VRK2: variants seen among roughly 807,000 people sequenced by gnomAD.
VRK2 encodes the protein serine/threonine-protein kinase VRK2.
In VRK2, 60 loss-of-function variants were observed where a neutral mutation model predicts 57.6. The observed-to-expected ratio is 1.04, with a 90% CI of 0.85 to 1.29. The LOEUF (loss-of-function observed/expected upper bound fraction) is 1.29. VRK2 is among the 50% of genes most tolerant of loss of function. The pLI is 0.00. For synonymous variants in VRK2, 231 were observed against 199.2 expected, an observed-to-expected ratio of 1.16 and a Z score of -1.35; for missense variants, 705 against 588.1, an observed-to-expected ratio of 1.20 and a Z score of -2.06.
chr2:58,148,073 G>T (rs898321339), intron 12 of VRK2, among the ~76,000 whole-genome samples: 2 of 151,692 alleles, frequency 1.3e-5, no homozygotes, highest in African/African-American at 4.8e-5. Flanking sequence ...TTGCTGGGTC[G>T]TAGGGCAGGT....
chr2:58,013,134 A>C (rs1455221884), intron 1 of VRK2, among the ~76,000 whole-genome samples: 1 of 152,234 alleles, frequency 6.6e-6, no homozygotes, highest in Non-Finnish European at 1.5e-5. Context: ...GCAAAAAACA[A>C]AAATCTATTG....
At chr2:57,940,809 T>C (rs576016637) in intron 1 of VRK2, among the ~76,000 whole-genome samples, 1 of 152,108 alleles carries the variant, frequency 6.6e-6, no homozygotes, top group Non-Finnish European at 1.5e-5. Context: ...AACTAAACTA[T>C]TACTTCACGT....
At chr2:58,034,550 G>T (rs1443509741) in intron 3 of VRK2, among the ~76,000 whole-genome samples, 1 of 151,948 alleles carries the variant, frequency 6.6e-6, no homozygotes, top group African/African-American at 2.4e-5. Flanking sequence ...TTTTAAGAAG[G>T]CAGGGATGGT....
chr2:58,052,952 G>T (rs1004691925), intron 2 of VRK2, among the ~76,000 whole-genome samples: 1 of 152,210 alleles, frequency 6.6e-6, no homozygotes, highest in Admixed American at 6.5e-5. Context: ...GTAAGTAAAA[G>T]ATATGATTTA....
At chr2:58,083,915 C>G (rs1189098467) in intron 2 of VRK2, among the ~76,000 whole-genome samples, 174 bp from the exon 3 acceptor site, 2 of 151,836 alleles carry the variant, frequency 1.3e-5, no homozygotes, top group Non-Finnish European at 3.0e-5. Flanking sequence ...TCTCAAACTT[C>G]AGTAGCATCT....
chr2:58,149,431 A>ATT (rs951652894), intron 12 of VRK2, among the ~76,000 whole-genome samples: 3 of 151,638 alleles, frequency 2.0e-5, no homozygotes, highest in Non-Finnish European at 4.4e-5. Context: ...AGGTTTTATT[A>ATT]TTTTTTAAAT....
chr2:57,996,506 A>C (rs1230676107), intron 1 of VRK2, among the ~76,000 whole-genome samples: 1 of 152,228 alleles, frequency 6.6e-6, no homozygotes, highest in Non-Finnish European at 1.5e-5. Flanking sequence ...TATTGGTCAT[A>C]TCCTGAAGGA....
At chr2:58,053,122 C>G (rs980820824) in intron 2 of VRK2, among the ~76,000 whole-genome samples, 3 of 152,136 alleles carry the variant, frequency 2.0e-5, no homozygotes, top group African/African-American at 7.2e-5. Flanking sequence ...TTGTTCTCTT[C>G]CATAATTATA....
chr2:57,939,016 G>C (rs905074527), intron 1 of VRK2, among the ~76,000 whole-genome samples: 44 of 152,236 alleles, frequency 2.9e-4, no homozygotes, highest in African/African-American at 7.9e-4. Flanking sequence ...TTCAAACTGA[G>C]AAACAGACAA....
At chr2:58,037,007 C>T (rs374809041) in intron 3 of VRK2, among the ~76,000 whole-genome samples, 1 of 152,076 alleles carries the variant, frequency 6.6e-6, no homozygotes, top group South Asian at 2.1e-4. Context: ...GGTGCAGTCA[C>T]TACTCACTGT....
In VRK2 at chr2:58,084,890, G is replaced by A; in HGVS notation, c.196G>A (p.Glu66Lys). The change falls in exon 4 of 13, where the codon GAA (glutamate) becomes AAA (lysine). Residue 66 changes from glutamate to lysine, a missense_variant. Transcript: ENST00000340157. ...ARHVVKVEYQ[E>K]NGPLFSELKF... ...ATTCTTTTTTTTATAGGAATATCAA[G>A]AAAATGGCCCGTTATTTTCAGAACT... is the stretch of plus-strand genomic sequence containing the variant. 1 of 1,573,734 alleles carries A rather than the reference G, an allele frequency of 6.4e-7. No homozygotes were observed. The highest frequency in any genetic ancestry group is 1.2e-5 in the South Asian group (1 of 84,446).
chr2:58,069,832 T>C (rs921148796), intron 2 of VRK2, among the ~76,000 whole-genome samples: 12 of 152,190 alleles, frequency 7.9e-5, no homozygotes, highest in African/African-American at 2.7e-4. Flanking sequence ...GGGCATTTTT[T>C]GTTTGCCCCA....
chr2:58,004,664 A>T (rs1482808821), intron 1 of VRK2, among the ~76,000 whole-genome samples: 1 of 152,186 alleles, frequency 6.6e-6, no homozygotes, highest in African/African-American at 2.4e-5. Context: ...TTAACTTTTT[A>T]AATTATGTCC....
At chr2:58,071,777 T>C (rs1353935451) in intron 2 of VRK2, among the ~76,000 whole-genome samples, 1 of 152,040 alleles carries the variant, frequency 6.6e-6, no homozygotes, top group African/African-American at 2.4e-5. Flanking sequence ...ATCTTTTGCC[T>C]TTATGTACAA....
intron 1 of VRK2, among the ~76,000 whole-genome samples, chr2:58,013,624 C>T (rs1287572064): frequency 6.6e-6 from 1 of 152,126 alleles, no homozygotes; most frequent in Non-Finnish European, 1.5e-5. Flanking sequence ...GTAGTCCCAG[C>T]ACTTTGGGAG....
At chr2:58,131,401 C>T (rs1679166868) in intron 8 of VRK2, among the ~76,000 whole-genome samples, 1 of 151,760 alleles carries the variant, frequency 6.6e-6, no homozygotes, top group South Asian at 2.1e-4. Flanking sequence ...ATGACCAATG[C>T]AGACCCTATG....
chr2:57,928,247 T>C (rs764971952), intron 1 of VRK2, among the ~76,000 whole-genome samples: 1 of 152,122 alleles, frequency 6.6e-6, no homozygotes, highest in Non-Finnish European at 1.5e-5. Context: ...TTTTGTCTTC[T>C]GACTGTGAAT....
intron 1 of VRK2, among the ~76,000 whole-genome samples, chr2:57,909,415 T>C (rs1040252270): frequency 1.3e-5 from 2 of 152,090 alleles, no homozygotes; most frequent in Non-Finnish European, 2.9e-5. Context: ...AGTGATGATT[T>C]ACACTTGTAA....
At chr2:58,112,699 G>C (rs1427075302) in intron 7 of VRK2, among the ~76,000 whole-genome samples, 1 of 152,164 alleles carries the variant, frequency 6.6e-6, no homozygotes, top group African/African-American at 2.4e-5. Flanking sequence ...AGAGGGAAGT[G>C]GGGAAGTATA....
Sources: gnomAD v4.1 joint callset for allele counts (sites outside exome capture counted in the v4.1 genomes callset) on GRCh38, gnomAD v4.1.1 for gene constraint, MANE v1.5 for transcripts, NCBI Gene and HGNC (gene_info 2026-07-23, HGNC 2026-07-21) for gene names.